The following PDZD2 variants were observed in gnomAD, a reference collection of about 807,000 sequenced individuals.
PDZD2 encodes the protein PDZ domain-containing protein 2.
Under a neutral mutation model 220.7 loss-of-function variants are expected in PDZD2, and 90 were observed. The ratio of observed to expected loss-of-function variants is 0.41; its 90% CI spans 0.34 to 0.49. PDZD2 has a LOEUF of 0.49. Among genes scored for constraint, PDZD2 ranks in the 20% least tolerant of loss-of-function variants. The pLI is 0.28. For synonymous variants in PDZD2, 1,375 were observed against 1,450.5 expected, an observed-to-expected ratio of 0.95 and a Z score of 1.18; for missense variants, 3,174 against 3,608.5, an observed-to-expected ratio of 0.88 and a Z score of 3.08.
chr5:32,002,926 C>G (rs542866291), intron 5 of PDZD2, among the ~76,000 whole-genome samples: 2 of 123,416 alleles, frequency 1.6e-5, no homozygotes, highest in African/African-American at 3.1e-5. Context: ...ACACCACACA[C>G]ACCTCACACA....
At chr5:32,053,356 T>C (rs1738769534) in intron 9 of PDZD2, among the ~76,000 whole-genome samples, 1 of 152,252 alleles carries the variant, frequency 6.6e-6, no homozygotes, top group South Asian at 2.1e-4. Context: ...AATATTCATT[T>C]TGATATTATA....
intron 3 of PDZD2, among the ~76,000 whole-genome samples, chr5:31,992,862 T>TG (rs1206932674): frequency 7.3e-5 from 4 of 54,448 alleles, no homozygotes; most frequent in Non-Finnish European, 1.1e-4. Flanking sequence ...GCCTCTTCCA[T>TG]GGAAAAAAAA....
chr5:31,898,415 G>T (rs1194377602), intron 2 of PDZD2, among the ~76,000 whole-genome samples: 1 of 152,174 alleles, frequency 6.6e-6, no homozygotes, highest in Non-Finnish European at 1.5e-5. Flanking sequence ...ATGCTGACAC[G>T]CCCAGGGCAC....
intron 1 of PDZD2, among the ~76,000 whole-genome samples, chr5:31,681,327 AC>A (rs1380850856): frequency 1.3e-4 from 20 of 152,030 alleles, no homozygotes; most frequent in African/African-American, 4.6e-4. Flanking sequence ...GCTCACTGCA[AC>A]CCCCGCCTCC....
chr5:32,010,030 T>C (rs1216781524), intron 5 of PDZD2, among the ~76,000 whole-genome samples: 2 of 142,722 alleles, frequency 1.4e-5, no homozygotes, highest in African/African-American at 5.4e-5. Context: ...GAGGTTGCAA[T>C]GAGCCGAGAT....
chr5:31,877,386 T>G (rs1017074471), intron 2 of PDZD2, among the ~76,000 whole-genome samples: 29 of 151,936 alleles, frequency 1.9e-4, no homozygotes, highest in Non-Finnish European at 3.5e-4. Flanking sequence ...GAGCTAATAT[T>G]TTTTGGATTT....
intron 1 of PDZD2, among the ~76,000 whole-genome samples, chr5:31,770,008 G>A (rs1176140561): frequency 6.6e-6 from 1 of 152,166 alleles, no homozygotes; most frequent in Non-Finnish European, 1.5e-5. Flanking sequence ...TAGATTCTCT[G>A]GCAGCCTGAG....
chr5:31,775,899 G>A (rs574670589), intron 1 of PDZD2, among the ~76,000 whole-genome samples: 2 of 152,182 alleles, frequency 1.3e-5, no homozygotes, highest in South Asian at 4.2e-4. Context: ...GGGCCCTGTG[G>A]ATTTAGATGG....
At chr5:31,785,971 T>G (rs1010344593) in intron 1 of PDZD2, among the ~76,000 whole-genome samples, 1 of 152,134 alleles carries the variant, frequency 6.6e-6, no homozygotes, top group Non-Finnish European at 1.5e-5. Flanking sequence ...ATGGAGGGAC[T>G]CGGGGTTAGT....
At chr5:31,735,266 C>A (rs1252188722) in intron 1 of PDZD2, among the ~76,000 whole-genome samples, 2 of 152,256 alleles carry the variant, frequency 1.3e-5, no homozygotes, top group African/African-American at 4.8e-5. Context: ...ACAGCTCACG[C>A]ACTATTTTTG....
At chr5:31,716,150 C>T (rs959382865) in intron 1 of PDZD2, among the ~76,000 whole-genome samples, 1 of 152,172 alleles carries the variant, frequency 6.6e-6, no homozygotes, top group Non-Finnish European at 1.5e-5. Flanking sequence ...ACAGATAGAA[C>T]CAACGCCTCT....
intron 24 of PDZD2, among the ~76,000 whole-genome samples, chr5:32,102,420 C>T (rs777938401): frequency 2.0e-5 from 3 of 151,710 alleles, no homozygotes; most frequent in South Asian, 4.2e-4. Flanking sequence ...CTGCGTTACT[C>T]GAGTGGCAGC....
At chr5:31,767,027 C>CCTTTTTTT (rs1752067239) in intron 1 of PDZD2, among the ~76,000 whole-genome samples, 1 of 94,298 alleles carries the variant, frequency 1.1e-5, no homozygotes, top group Non-Finnish European at 1.9e-5. Flanking sequence ...TGCACCCAGC[C>CCTTTTTTT]TTTTTTTTTT....
At chr5:31,665,996 C>G (rs910026547) in intron 1 of PDZD2, among the ~76,000 whole-genome samples, 7 of 152,184 alleles carry the variant, frequency 4.6e-5, no homozygotes, top group Non-Finnish European at 8.8e-5. Flanking sequence ...GGGGAGAACT[C>G]CAGCCCTTTG....
intron 7 of PDZD2, among the ~76,000 whole-genome samples, chr5:32,041,056 T>C (rs1365141553): frequency 1.0e-4 from 13 of 124,092 alleles, no homozygotes; most frequent in Non-Finnish European, 2.0e-4. Context: ...AGCCGCCCCG[T>C]CTGGGAAGTG....
In PDZD2 at chr5:32,108,236, C is replaced by A; in HGVS notation, c.*101C>A. On this transcript the variant is annotated 3_prime_UTR_variant, in exon 25 of 25. Coordinates refer to ENST00000438447, the MANE Select transcript of PDZD2 (RefSeq NM_178140.4). Reference sequence around the variant, plus strand: ...TTGAAATGGCCAACACTGGTACAGACACGGACTATAAAAATCTCCAAGCTT... The same window carrying A: ...TTGAAATGGCCAACACTGGTACAGAAACGGACTATAAAAATCTCCAAGCTT... The A allele has an allele frequency of 2.9e-6, 2 of 689,208 alleles. No individual in the cohort carries two copies. The highest frequency in any genetic ancestry group is 4.7e-6 in the Non-Finnish European group (2 of 424,772). The allele number at this position is 689,208 out of a possible 1,614,324, so 42.7% of individuals were successfully genotyped here.
chr5:31,735,679 G>A (rs1749817520), intron 1 of PDZD2, among the ~76,000 whole-genome samples: 1 of 152,084 alleles, frequency 6.6e-6, no homozygotes, highest in Non-Finnish European at 1.5e-5. Context: ...GGGCTCAGTG[G>A]CTCACCCCTG....
chr5:31,742,803 G>A (rs1182690700), intron 1 of PDZD2, among the ~76,000 whole-genome samples: 1 of 152,158 alleles, frequency 6.6e-6, no homozygotes, highest in Non-Finnish European at 1.5e-5. Context: ...CTTAGAACAA[G>A]CCCTGGTACA....
intron 2 of PDZD2, among the ~76,000 whole-genome samples, chr5:31,902,429 G>T (rs896912401): frequency 2.7e-5 from 4 of 150,520 alleles, no homozygotes; most frequent in Non-Finnish European, 5.9e-5. Flanking sequence ...CTGTTACTCA[G>T]TTGGATTGTC....
Sources: gnomAD v4.1 joint callset for allele counts (sites outside exome capture counted in the v4.1 genomes callset) on GRCh38, gnomAD v4.1.1 for gene constraint, MANE v1.5 for transcripts, NCBI Gene and HGNC (gene_info 2026-07-23, HGNC 2026-07-21) for gene names.